The following NRXN3 variants were observed in gnomAD, a reference collection of about 807,000 sequenced individuals.
The protein encoded by NRXN3 is neurexin 3, also known as neurexin III.
In NRXN3, 32 loss-of-function variants were observed where a neutral mutation model predicts 137.6. That is an observed-to-expected ratio of 0.23 (90% CI 0.18 to 0.31). The LOEUF is 0.31. Ranked by LOEUF, NRXN3 falls within the 10% of genes least tolerant of loss-of-function variation. The pLI is 1.00. For synonymous variants in NRXN3, 798 were observed against 784.5 expected (o/e 1.02, Z -0.29); for missense variants, 1,574 against 2,062.5 (o/e 0.76, Z 4.59).
At chr14:78,839,072 A>T (rs2152434930) in intron 10 of NRXN3, among the ~76,000 whole-genome samples, 1 of 152,312 alleles carries the variant, frequency 6.6e-6, no homozygotes, top group Middle Eastern at 3.4e-3. Flanking sequence ...TGCTAGAGAC[A>T]GATACTAAAA....
intron 4 of NRXN3, among the ~76,000 whole-genome samples, chr14:78,313,965 G>A (rs2078266953): frequency 6.6e-6 from 1 of 152,104 alleles, no homozygotes; most frequent in Admixed American, 6.6e-5. Context: ...GAGCACAAGG[G>A]ATACACAAAA....
rs562251472 is a variant in NRXN3, at chr14:78,833,756, G to A, written c.2275+23412G>A. Among the ~76,000 whole-genome samples the A allele has an allele frequency of 6.6e-5, 10 of 152,242 alleles. No individual in the cohort carries two copies. In the South Asian group the frequency reaches 2.1e-3, roughly 32 times the overall value. Reference sequence around the variant, plus strand: ...GTTTTTAAGGTGTTCCAGGCACTGTGGTTAACAATTTATATTCCTTTTCTT... The same window carrying A: ...GTTTTTAAGGTGTTCCAGGCACTGTAGTTAACAATTTATATTCCTTTTCTT... On this transcript the variant is annotated intron_variant, in intron 10 of 20. Transcript: ENST00000335750.
At chr14:79,388,317 C>G (rs2094713625) in intron 15 of NRXN3, among the ~76,000 whole-genome samples, 1 of 151,998 alleles carries the variant, frequency 6.6e-6, no homozygotes, top group South Asian at 2.1e-4. Context: ...AATAAATTAC[C>G]CAGTCTCAGG....
intron 15 of NRXN3, among the ~76,000 whole-genome samples, chr14:78,990,008 T>G (rs12892094): frequency 6.6e-6 from 1 of 152,308 alleles, no homozygotes; most frequent in African/African-American, 2.4e-5. Flanking sequence ...CTGTTTCTGG[T>G]TTTATCAAGA....
chr14:79,083,240 G>A (rs972155826), intron 15 of NRXN3, among the ~76,000 whole-genome samples: 2 of 152,172 alleles, frequency 1.3e-5, no homozygotes, highest in East Asian at 3.9e-4. Context: ...CACTCTGTCA[G>A]GAGTATTGGC....
intron 10 of NRXN3, among the ~76,000 whole-genome samples, chr14:78,925,693 G>C (rs777034509): frequency 1.4e-4 from 21 of 152,230 alleles, no homozygotes; most frequent in Admixed American, 4.6e-4. Flanking sequence ...GAAAGGGGCC[G>C]AACCAATGAG....
Position 79,007,438 on chromosome 14 carries a change from G to GA in NRXN3, c.3262+19307dup, listed in dbSNP as rs976529327. 8.9e-5 allele frequency among the ~76,000 whole-genome samples: 12 copies of GA among 135,010 alleles called. No homozygotes were observed. In the South Asian group the frequency reaches 9.4e-4, roughly 11 times the overall value. 88.6% of individuals were successfully genotyped at this position (135,010 alleles called of 152,430 possible). On this transcript the variant is annotated intron_variant, in intron 15 of 20. Transcript: ENST00000335750. The stretch of plus-strand genomic sequence containing the variant: ...ATGTTACATACCTAGAATTGTCTCT[G>GA]AAAAAAAAAAGTCATGAACTTTTTT...
chr14:79,099,489 T>TG (rs1487015756), intron 15 of NRXN3, among the ~76,000 whole-genome samples: 4 of 152,136 alleles, frequency 2.6e-5, no homozygotes, highest in Non-Finnish European at 5.9e-5. Context: ...CTAAACTGTA[T>TG]GGTAAAGTCA....
intron 15 of NRXN3, among the ~76,000 whole-genome samples, chr14:79,168,673 C>A (rs1161933157): frequency 1.3e-5 from 2 of 151,622 alleles, no homozygotes; most frequent in African/African-American, 4.9e-5. Context: ...TCCTATCATG[C>A]GTGTTCATCT....
intron 4 of NRXN3, among the ~76,000 whole-genome samples, chr14:78,475,616 C>T (rs954853590): frequency 6.6e-6 from 1 of 152,146 alleles, no homozygotes; most frequent in Non-Finnish European, 1.5e-5. Context: ...ACAGCCAAAG[C>T]CTACAAATTA....
chr14:79,328,153 G>T lies in NRXN3; in HGVS notation c.3263-139068G>T, dbSNP rs542137551. Reference sequence around the variant, plus strand: ...TTTAACAGAAAAGGAAAAAGAAAAAGAAATTATTATAAATGTAAAGTAATT... The same window carrying T: ...TTTAACAGAAAAGGAAAAAGAAAAATAAATTATTATAAATGTAAAGTAATT... On this transcript the variant is annotated intron_variant, in intron 15 of 20. Transcript: ENST00000335750. Among the ~76,000 whole-genome samples the T allele has an allele frequency of 7.0e-4, 107 of 152,240 alleles. 2 individuals are homozygous for T. In the South Asian group the frequency reaches 0.02, roughly 29 times the overall value.
At chr14:78,857,981 G>A (rs532407760) in intron 10 of NRXN3, among the ~76,000 whole-genome samples, 34 of 152,250 alleles carry the variant, frequency 2.2e-4, no homozygotes, top group Non-Finnish European at 4.0e-4. Context: ...CAGCTTTTCC[G>A]GGGATGGTTA....
chr14:79,209,053 C>T lies in NRXN3; in HGVS notation c.3262+220912C>T, dbSNP rs183757208. Among the ~76,000 whole-genome samples, 145 of 152,222 alleles carry T rather than the reference C, an allele frequency of 9.5e-4. 1 individual carries two copies. The highest frequency in any genetic ancestry group is 6.1e-3 in the Admixed American group (93 of 15,286). Reference sequence around the variant, plus strand: ...TCTTGGGTTCAAACGATTCTCCTGCCTCAGCCTCCCGAGTAGCTGGGACTA... The same window carrying T: ...TCTTGGGTTCAAACGATTCTCCTGCTTCAGCCTCCCGAGTAGCTGGGACTA... On this transcript the variant is annotated intron_variant, in intron 15 of 20. Transcript: ENST00000335750.
At chr14:78,171,097 T>C (rs2153309600) in intron 1 of NRXN3, among the ~76,000 whole-genome samples, 1 of 152,138 alleles carries the variant, frequency 6.6e-6, no homozygotes, top group Admixed American at 6.5e-5. Flanking sequence ...CATTTATTTA[T>C]TTGGGCTGGT....
intron 10 of NRXN3, among the ~76,000 whole-genome samples, chr14:78,825,435 T>C (rs1414111344): frequency 6.6e-6 from 1 of 152,150 alleles, no homozygotes; most frequent in Admixed American, 6.5e-5. Context: ...TTTGAGGTGA[T>C]TTTTCCAAGC....
At chr14:78,187,265 G>GC (rs1566929618) in intron 1 of NRXN3, among the ~76,000 whole-genome samples, 19 of 145,520 alleles carry the variant, frequency 1.3e-4, no homozygotes, top group African/African-American at 4.5e-4. Context: ...GTGTGTGTGT[G>GC]TTTTTTTTTT....
At chr14:79,049,201 A>G (rs1294636073) in intron 15 of NRXN3, among the ~76,000 whole-genome samples, 2 of 151,862 alleles carry the variant, frequency 1.3e-5, no homozygotes, top group Non-Finnish European at 2.9e-5. Context: ...AAAATTTTCA[A>G]AATTGGAGCT....
intron 16 of NRXN3, among the ~76,000 whole-genome samples, chr14:79,517,513 A>G (rs567971083): frequency 1.7e-3 from 258 of 152,200 alleles, no homozygotes; most frequent in Non-Finnish European, 3.1e-3. Context: ...TTATTTCGAC[A>G]CTTAATTAGA....
chr14:79,509,215 A>C (rs141904274), intron 16 of NRXN3, among the ~76,000 whole-genome samples: 9 of 152,052 alleles, frequency 5.9e-5, no homozygotes, highest in African/African-American at 2.2e-4. Flanking sequence ...TAATAATAAT[A>C]ATGCTTTGTG....
Sources: gnomAD v4.1 joint callset for allele counts (sites outside exome capture counted in the v4.1 genomes callset) on GRCh38, gnomAD v4.1.1 for gene constraint, MANE v1.5 for transcripts, NCBI Gene and HGNC (gene_info 2026-07-23, HGNC 2026-07-21) for gene names.